The following HAS1 variants were observed in gnomAD, a reference collection of about 807,000 sequenced individuals.
The protein encoded by HAS1 is HA synthase 1.
A neutral mutation model predicts 35.0 loss-of-function variants in HAS1; 27 were observed. The observed-to-expected ratio is 0.77, with a 90% CI of 0.57 to 1.06. The LOEUF is 1.06. HAS1 is among the 50% of genes least tolerant of loss of function. HAS1 has a pLI of 0.00. For missense variants in HAS1, 940 were observed against 814.8 expected, an observed-to-expected ratio of 1.15 and a Z score of -1.87; for synonymous variants, 409 against 371.2, an observed-to-expected ratio of 1.10 and a Z score of -1.17.
intron 3 of HAS1, 65 bp downstream of exon 3, chr19:51,716,903 C>T: frequency 1.8e-6 from 2 of 1,083,984 alleles, no homozygotes; most frequent in Non-Finnish European, 2.8e-6. Flanking sequence ...ATCCTCAGCC[C>T]CATCCGGCTT....
chr19:51,714,233 C>A, intron 4 of HAS1, 131 bp from the exon 5 acceptor site: 1 of 1,408,408 alleles, frequency 7.1e-7, no homozygotes, highest in African/African-American at 1.4e-5. Flanking sequence ...CCTCAGTGTT[C>A]TCATGTGTAG....
chr19:51,714,558 G>A (rs932489140), intron 4 of HAS1, among the ~76,000 whole-genome samples: 5 of 148,412 alleles, frequency 3.4e-5, no homozygotes, highest in Non-Finnish European at 4.5e-5. Flanking sequence ...TTAGCCGGGC[G>A]TGGTGGCCTG....
Position 51,714,370 on chromosome 19 carries a change from C to CTAAATAAATAAATAAATAAATAAATAAA in HAS1, c.1059-269_1059-268insTTTATTTATTTATTTATTTATTTATTTA, listed in dbSNP as rs112842145. ...GCAACATAGCAAGACCCCATCTCTA[C>CTAAATAAATAAATAAATAAATAAATAAA]TAAATAAATAAATAAATAAATAAAT... On this transcript the variant is annotated intron_variant, in intron 4 of 4. Transcript: ENST00000540069. Among the ~76,000 whole-genome samples, 18 of 144,086 alleles carry CTAAATAAATAAATAAATAAATAAATAAA rather than the reference C, an allele frequency of 1.2e-4. 1 individual carries two copies. Among genetic ancestry groups the CTAAATAAATAAATAAATAAATAAATAAA allele is most frequent in the Non-Finnish European group, 2.4e-4 (16 of 65,596 alleles). 94.5% of individuals were successfully genotyped at this position (144,086 alleles called of 152,430 possible).
chr19:51,715,274 C>T (rs1320136178), intron 4 of HAS1, among the ~76,000 whole-genome samples: 1 of 152,080 alleles, frequency 6.6e-6, no homozygotes, highest in Non-Finnish European at 1.5e-5. Context: ...TCATCTTAGT[C>T]AGAGTCCTTA....
chr19:51,720,076 GTC>G (rs137889042), intron 1 of HAS1, 181 bp from the exon 2 acceptor site: 20,373 of 443,930 alleles, frequency 0.046, no homozygotes, highest in South Asian at 0.081. Flanking sequence ...CTGTCTCGCT[GTC>G]TCTCTCTCTC....
rs1433977319 is a variant in HAS1 at position 51,717,143 on chromosome 19, C to A, written c.750G>T (p.Val250=). 2 of 1,613,980 alleles carry A rather than the reference C, an allele frequency of 1.2e-6. No homozygotes were observed. The highest frequency in any genetic ancestry group is 1.7e-6 in the Non-Finnish European group (2 of 1,179,964). The change falls in exon 3 of 5, where the codon GTG becomes GTT. Residue 250 remains valine, a synonymous_variant. Coordinates refer to ENST00000540069, the MANE Select transcript of HAS1 (RefSeq NM_001297436.2). ...CCCGGGGGTCCTCGTCCAGTACCCGCACGAGCTCCAGCAGTGCCATGGGGT... is the reference window on the plus strand; with the variant it reads ...CCCGGGGGTCCTCGTCCAGTACCCGAACGAGCTCCAGCAGTGCCATGGGGT... ...RLDPMALLEL[V]RVLDEDPRVG...
Position 51,713,763 on chromosome 19 carries a change from G to C in HAS1, c.1398C>G (p.Leu466=), listed in dbSNP as rs776142291. The C allele has an allele frequency of 2.5e-6, 4 of 1,605,528 alleles. No individual in the cohort carries two copies. The highest frequency in any genetic ancestry group is 1.1e-5 in the South Asian group (1 of 90,078). Residue 466 remains leucine (L), a synonymous_variant, in exon 5 of 5, where the codon CTC becomes CTG. Transcript: ENST00000540069. This position sits in a 1 kb window ranked among gnomAD's most constrained non-coding sequence, Gnocchi z 4.5. ...TGGCAGGCAGGAGGCCACACATGTA[G>C]AGGGGCGCGTAGAGCGACAGAAGCA... ...RMVLLSLYAP[L]YMCGLLPAKF... is the part of the protein sequence containing the mutation.
rs2083649247 is a variant in HAS1, at chr19:51,723,985, T to C, written c.-52A>G. ...TTCTCTCCGGCTTGCTCTCCCAGCC[T>C]CTCTGTGGCCAGAGAGCTGGAGGGG... On this transcript the variant is annotated 5_prime_UTR_variant, in exon 1 of 5. Coordinates refer to ENST00000540069, the MANE Select transcript of HAS1 (RefSeq NM_001297436.2). 6.5e-7 allele frequency: 1 copy of C among 1,534,192 alleles called. No homozygotes were observed. The highest frequency in any genetic ancestry group is 8.8e-7 in the Non-Finnish European group (1 of 1,142,678).
Position 51,719,570 on chromosome 19 carries a change from T to C in HAS1, c.335A>G (p.Gln112Arg), listed in dbSNP as rs2083611049. 1.9e-6 allele frequency: 3 copies of C among 1,544,934 alleles called. No homozygotes were observed. The highest frequency in any genetic ancestry group is 2.6e-6 in the Non-Finnish European group (3 of 1,144,574). ...AYQEDPAYLR[Q>R]CLASARALLY... Reference sequence around the variant, plus strand: ...CAGGGCGCGGGCGGACGCCAGGCACTGGCGCAGGTACGCGGGGTCCTCCTG... The same window carrying C: ...CAGGGCGCGGGCGGACGCCAGGCACCGGCGCAGGTACGCGGGGTCCTCCTG... Residue 112 changes from glutamine (Q) to arginine (R), a missense_variant, in exon 2 of 5, where the codon CAG becomes CGG. Transcript: ENST00000540069.
chr19:51,722,320 C>T (rs1233384034), intron 1 of HAS1, among the ~76,000 whole-genome samples: 1 of 152,128 alleles, frequency 6.6e-6, no homozygotes, highest in East Asian at 1.9e-4. Flanking sequence ...GTTGCATCTA[C>T]GATGCCCCTT....
intron 3 of HAS1, among the ~76,000 whole-genome samples, 193 bp downstream of exon 3, chr19:51,716,775 A>T (rs948725867): frequency 6.6e-6 from 1 of 151,114 alleles, no homozygotes; most frequent in Non-Finnish European, 1.5e-5. Context: ...CCTTTTTCCA[A>T]CCTCACTCCC....
In HAS1 at chr19:51,723,884, TACACACACACACACACACACAC is replaced by T. The variant is rs58597876; in HGVS notation, c.9+19_9+40del. The T allele has an allele frequency of 2.4e-6, 3 of 1,229,136 alleles. No homozygotes were observed. The highest frequency in any genetic ancestry group is 1.6e-5 in the African/African-American group (1 of 62,278). 76.1% of individuals were successfully genotyped at this position (1,229,136 alleles called of 1,614,324 possible). ...CAGTAGTTTTCCCCACATGGCTGTA[TACACACACACACACACACACAC>T]ACACACACACACACACACCTGTCTC... On this transcript the variant is annotated intron_variant, in intron 1 of 4. Coordinates refer to ENST00000540069, the MANE Select transcript of HAS1 (RefSeq NM_001297436.2).
At position 51,723,793 on chromosome 19, in the gene HAS1, G is replaced by C. The variant is rs573620462; in HGVS notation, c.9+132C>G. The C allele has an allele frequency of 8.9e-4, 784 of 884,668 alleles. 6 individuals carry two copies. The African/African-American group carries it at 0.012, about 13-fold the overall frequency. 54.8% of individuals were successfully genotyped at this position (884,668 alleles called of 1,614,324 possible). A position where few individuals can be genotyped will look rare whatever the true frequency, so the allele number is the denominator to read the frequency against. ...CCCTACACACATATGGTCACTGTCA[G>C]GCACATGGATACACACATGAAATCA... On this transcript the variant is annotated intron_variant, in intron 1 of 4. Coordinates refer to ENST00000540069, the MANE Select transcript of HAS1 (RefSeq NM_001297436.2).
intron 4 of HAS1, 21 bp from the exon 5 acceptor site, chr19:51,714,123 AG>A: frequency 6.2e-7 from 1 of 1,604,044 alleles, no homozygotes; most frequent in South Asian, 1.1e-5. Context: ...GCGAGGAATG[AG>A]GGCATCATCG....
At chr19:51,723,426 A>G (rs896028868) in intron 1 of HAS1, among the ~76,000 whole-genome samples, 1 of 152,196 alleles carries the variant, frequency 6.6e-6, no homozygotes, top group Non-Finnish European at 1.5e-5. Flanking sequence ...CTGATACTGA[A>G]CCAGATGAAA....
chr19:51,714,809 C>T (rs1219068181), intron 4 of HAS1, among the ~76,000 whole-genome samples: 1 of 151,956 alleles, frequency 6.6e-6, no homozygotes, highest in Non-Finnish European at 1.5e-5. Flanking sequence ...TTAGCTACTA[C>T]CGTTTTTACT....
intron 1 of HAS1, among the ~76,000 whole-genome samples, chr19:51,723,324 C>T (rs550042143): frequency 1.5e-3 from 227 of 152,268 alleles, no homozygotes; most frequent in Non-Finnish European, 2.2e-3. Context: ...AGGATGTCCA[C>T]GTGGCCACAA....
In HAS1 at chr19:51,719,237, T is replaced by A; in HGVS notation, c.668A>T (p.Lys223Met). ...GTAGTCCACCGAATCTCCGAGCGCC[T>A]TGAAGGCTGTGTACATGACCTCGCG... ...GKREVMYTAFKALGDSVDYVQ... is the reference protein window; with the variant it reads ...GKREVMYTAFMALGDSVDYVQ... The change falls in exon 2 of 5, where the codon AAG (lysine) becomes ATG (methionine). Residue 223 changes from lysine to methionine, a missense_variant. Coordinates refer to ENST00000540069, the MANE Select transcript of HAS1 (RefSeq NM_001297436.2). The A allele has an allele frequency of 6.3e-7, 1 of 1,589,456 alleles. No homozygotes were observed. Among genetic ancestry groups the A allele is most frequent in the Non-Finnish European group, 8.6e-7 (1 of 1,167,558 alleles).
intron 1 of HAS1, among the ~76,000 whole-genome samples, chr19:51,720,436 G>A (rs939835384): frequency 2.0e-5 from 3 of 152,000 alleles, no homozygotes; most frequent in Non-Finnish European, 2.9e-5. Flanking sequence ...TTTCATTAAC[G>A]AAAATAATTG....
Sources: allele counts gnomAD v4.1 joint callset (sites outside exome capture counted in the v4.1 genomes callset), GRCh38; gene constraint gnomAD v4.1.1; non-coding constraint Gnocchi (gnomAD v3.1); transcripts MANE v1.5; gene names NCBI Gene and HGNC (gene_info 2026-07-23, HGNC 2026-07-21).